Variants in GALNTL6 observed in about 807,000 individuals in gnomAD.
GALNTL6 encodes polypeptide N-acetylgalactosaminyltransferase-like 6.
GALNTL6 carries 46 observed loss-of-function variants against 73.7 expected under a neutral mutation model. The observed-to-expected ratio is 0.62, with a 90% CI of 0.49 to 0.80. GALNTL6 has a LOEUF of 0.80. Ranked by LOEUF, GALNTL6 falls within the 30% of genes least tolerant of loss-of-function variation. The pLI, the probability that GALNTL6 is intolerant of heterozygous loss-of-function variation, is 0.00. For missense variants in GALNTL6, 604 were observed against 755.0 expected (o/e 0.80, Z 2.34); for synonymous variants, 259 against 263.7 (o/e 0.98, Z 0.17).
chr4:172,488,732 A>C (rs1733784794), intron 5 of GALNTL6, among the ~76,000 whole-genome samples: 1 of 151,614 alleles, frequency 6.6e-6, no homozygotes, highest in African/African-American at 2.4e-5. Context: ...GACCTCCAAC[A>C]CTTGATAGAA....
At chr4:172,246,704 C>G (rs1737672172) in intron 3 of GALNTL6, among the ~76,000 whole-genome samples, 1 of 151,406 alleles carries the variant, frequency 6.6e-6, no homozygotes, top group South Asian at 2.1e-4. Flanking sequence ...CACAAAAACT[C>G]TATGAGGCGT....
At chr4:172,656,718 T>G (rs1222133122) in intron 5 of GALNTL6, among the ~76,000 whole-genome samples, 1 of 152,242 alleles carries the variant, frequency 6.6e-6, no homozygotes, top group Non-Finnish European at 1.5e-5. Flanking sequence ...AGGTCAATCC[T>G]GAGAGCCTAA....
intron 10 of GALNTL6, among the ~76,000 whole-genome samples, chr4:172,958,551 T>A (rs1749870711): frequency 6.6e-6 from 1 of 152,196 alleles, no homozygotes; most frequent in Admixed American, 6.5e-5. Flanking sequence ...AAGTCGAAAG[T>A]ATCCAACCAT....
In GALNTL6 at chr4:172,689,303, C is replaced by A. The variant is rs58141829; in HGVS notation, c.554-120058C>A. ...AATTGGATACGGAGTTAAAATACTTCGCTATTATTTAAATTTCTGTTTCCA... is the reference window on the plus strand; with the variant it reads ...AATTGGATACGGAGTTAAAATACTTAGCTATTATTTAAATTTCTGTTTCCA... On this transcript the variant is annotated intron_variant, in intron 5 of 12. Coordinates refer to ENST00000506823, the MANE Select transcript of GALNTL6 (RefSeq NM_001034845.3). Among the ~76,000 whole-genome samples, 18 of 152,032 alleles carry A rather than the reference C, an allele frequency of 1.2e-4. No homozygotes were observed. In the East Asian group the frequency reaches 3.5e-3, roughly 29 times the overall value.
intron 3 of GALNTL6, among the ~76,000 whole-genome samples, chr4:172,285,456 A>T (rs141374308): frequency 6.1e-4 from 93 of 152,318 alleles, no homozygotes; most frequent in African/African-American, 2.1e-3. Context: ...CCAGGAATCT[A>T]GCAAAAGTCT....
At chr4:172,313,353 G>C (rs1339611596) in intron 4 of GALNTL6, among the ~76,000 whole-genome samples, 2 of 151,978 alleles carry the variant, frequency 1.3e-5, no homozygotes, top group East Asian at 3.9e-4. Flanking sequence ...TCGATCTCCT[G>C]ACCTCGTGAT....
rs138098797 is a variant in GALNTL6, at chr4:172,402,453, C to A, written c.553+53764C>A. On this transcript the variant is annotated intron_variant, in intron 5 of 12. Coordinates refer to ENST00000506823, the MANE Select transcript of GALNTL6 (RefSeq NM_001034845.3). ...TTCTACTATTGAAATACACTTAAAG[C>A]GTAATTTTAAATCCAAAGCAGTTAA... 6.6e-5 allele frequency among the ~76,000 whole-genome samples: 10 copies of A among 152,062 alleles called. No individual in the cohort carries two copies. The East Asian group carries it at 1.6e-3, about 24-fold the overall frequency.
intron 2 of GALNTL6, among the ~76,000 whole-genome samples, chr4:172,138,534 T>A (rs1733716242): frequency 1.8e-5 from 1 of 55,230 alleles, no homozygotes; most frequent in Non-Finnish European, 3.7e-5. Context: ...TTTTTTTTTT[T>A]TTTTTTTTTT....
chr4:172,767,667 CT>C (rs1553986523), intron 5 of GALNTL6, among the ~76,000 whole-genome samples: 3 of 118,126 alleles, frequency 2.5e-5, no homozygotes, highest in Admixed American at 9.9e-5. Context: ...GATTTTTTTT[CT>C]TTTTTTTTTT....
At chr4:172,296,504 C>G (rs904642982) in intron 3 of GALNTL6, among the ~76,000 whole-genome samples, 1 of 151,918 alleles carries the variant, frequency 6.6e-6, no homozygotes, top group Non-Finnish European at 1.5e-5. Context: ...TAATGATATC[C>G]CTCCCCACTT....
intron 5 of GALNTL6, among the ~76,000 whole-genome samples, chr4:172,690,512 CAAAT>C (rs1430073456): frequency 1.3e-5 from 2 of 152,074 alleles, no homozygotes; most frequent in Non-Finnish European, 2.9e-5. Context: ...CAATAAAAAA[CAAAT>C]AAGGCAATAT....
chr4:172,465,989 G>A (rs1020953058), intron 5 of GALNTL6, among the ~76,000 whole-genome samples: 5 of 152,014 alleles, frequency 3.3e-5, no homozygotes, highest in Non-Finnish European at 5.9e-5. Context: ...CCAAATTTTC[G>A]AGTGTCTTCA....
chr4:172,996,565 AAAG>A (rs1751796788), intron 10 of GALNTL6, among the ~76,000 whole-genome samples: 1 of 152,356 alleles, frequency 6.6e-6, no homozygotes, highest in East Asian at 1.9e-4. Context: ...TTTTAACTTA[AAAG>A]AAGAATTAAT....
At chr4:172,239,929 CT>C (rs1737366004) in intron 3 of GALNTL6, among the ~76,000 whole-genome samples, 1 of 152,154 alleles carries the variant, frequency 6.6e-6, no homozygotes, top group African/African-American at 2.4e-5. Context: ...GAAAGGTCTG[CT>C]TTTAGCCTGC....
intron 2 of GALNTL6, among the ~76,000 whole-genome samples, chr4:172,016,683 C>T (rs1198472702): frequency 8.0e-6 from 1 of 125,256 alleles, no homozygotes; most frequent in African/African-American, 4.8e-5. Context: ...TTTCTGGCTC[C>T]TTCTCATTTG....
chr4:172,474,307 AC>A (rs1733157690), intron 5 of GALNTL6, among the ~76,000 whole-genome samples: 1 of 151,762 alleles, frequency 6.6e-6, no homozygotes, highest in Non-Finnish European at 1.5e-5. Context: ...CCACCCTAGC[AC>A]CCCTGCCCCT....
At chr4:172,436,801 T>C (rs1261194763) in intron 5 of GALNTL6, among the ~76,000 whole-genome samples, 1 of 152,128 alleles carries the variant, frequency 6.6e-6, no homozygotes. Context: ...CAGCTTATTT[T>C]CCTCAGGCTC....
intron 2 of GALNTL6, among the ~76,000 whole-genome samples, chr4:172,174,252 A>G (rs1385299791): frequency 1.3e-5 from 2 of 152,226 alleles, no homozygotes; most frequent in Non-Finnish European, 2.9e-5. Context: ...GTACCATGCT[A>G]TGAAGAAAAT....
chr4:172,866,040 CTT>C (rs1744645953), intron 7 of GALNTL6, among the ~76,000 whole-genome samples: 1 of 152,200 alleles, frequency 6.6e-6, no homozygotes, highest in African/African-American at 2.4e-5. Context: ...CTCTTGGACT[CTT>C]TCCTTCTTCC....
Sources: allele counts gnomAD v4.1 joint callset (sites outside exome capture counted in the v4.1 genomes callset), GRCh38; gene constraint gnomAD v4.1.1; transcripts MANE v1.5; gene names NCBI Gene and HGNC (gene_info 2026-07-23, HGNC 2026-07-21).